Variants in HAGH observed in about 807,000 individuals in gnomAD.
HAGH encodes hydroxyacylglutathione hydrolase, mitochondrial.
A neutral mutation model predicts 35.1 loss-of-function variants in HAGH; 29 were observed. That is an observed-to-expected ratio of 0.83 (90% CI 0.62 to 1.13). The LOEUF (loss-of-function observed/expected upper bound fraction) is 1.13. Ranked by LOEUF, HAGH falls within the 50% of genes most tolerant of loss-of-function variation. The pLI is 0.00. For missense variants in HAGH, 478 were observed against 419.6 expected (o/e 1.14, Z -1.22); for synonymous variants, 225 against 176.1 (o/e 1.28, Z -2.20).
intron 1 of HAGH, among the ~76,000 whole-genome samples, chr16:1,825,047 G>T (rs1039944238): frequency 6.6e-6 from 1 of 152,236 alleles, no homozygotes; most frequent in Non-Finnish European, 1.5e-5. Flanking sequence ...GCCCACGTGC[G>T]GTGGCTCACG....
At chr16:1,819,044 T>G in intron 5 of HAGH, 71 bp downstream of exon 5, 21 of 973,904 alleles carry the variant, frequency 2.2e-5, no homozygotes, top group Non-Finnish European at 3.4e-5. Context: ...AGCTGCCCCG[T>G]GAGCCTGCCT....
intron 1 of HAGH, among the ~76,000 whole-genome samples, chr16:1,824,444 T>G (rs946664297): frequency 6.6e-6 from 1 of 152,150 alleles, no homozygotes; most frequent in Non-Finnish European, 1.5e-5. Context: ...GACAAAAGTG[T>G]CTGCCACCCA....
At chr16:1,821,222 AGGCTCGAGGGGCCCAACTCACAGAGCC>A (rs1199787023) in intron 3 of HAGH, among the ~76,000 whole-genome samples, 4 of 152,198 alleles carry the variant, frequency 2.6e-5, no homozygotes, top group Non-Finnish European at 5.9e-5. Flanking sequence ...GACCCCGAAG[AGGCTCGAGGGGCCCAACTCACAGAGCC>A]TGAGACTCTC....
chr16:1,811,440 C>T (rs1005277252), intron 7 of HAGH, among the ~76,000 whole-genome samples: 1 of 151,618 alleles, frequency 6.6e-6, no homozygotes, highest in Non-Finnish European at 1.5e-5. Flanking sequence ...AGGCCGGGCG[C>T]GGTTGCTCAC....
chr16:1,813,854 TAGAGACCAACGAAACAGAGC>T (rs1270971527), intron 7 of HAGH, among the ~76,000 whole-genome samples: 2 of 152,204 alleles, frequency 1.3e-5, no homozygotes, highest in Non-Finnish European at 2.9e-5. Context: ...TGGCAAGTCA[TAGAGACCAACGAAACAGAGC>T]AGAGACCAGA....
intron 5 of HAGH, 133 bp downstream of exon 5, chr16:1,818,982 C>A: frequency 1.6e-6 from 1 of 644,960 alleles, no homozygotes; most frequent in Non-Finnish European, 2.8e-6. Flanking sequence ...ATGAGGCTCC[C>A]CAGCACCCAC....
intron 1 of HAGH, among the ~76,000 whole-genome samples, chr16:1,826,311 G>C (rs1369364748): frequency 1.3e-5 from 2 of 150,696 alleles, no homozygotes; most frequent in African/African-American, 2.4e-5. Flanking sequence ...CCGCGAGACC[G>C]CGGTCCTTGC....
intron 7 of HAGH, among the ~76,000 whole-genome samples, chr16:1,812,876 G>A (rs112205854): frequency 0.015 from 2,274 of 151,502 alleles, 45 homozygotes; most frequent in South Asian, 0.073. Context: ...GCTCCACCGC[G>A]TGGGCTGGCT....
intron 1 of HAGH, among the ~76,000 whole-genome samples, chr16:1,823,471 G>A (rs1898248763): frequency 6.6e-6 from 1 of 151,842 alleles, no homozygotes; most frequent in Non-Finnish European, 1.5e-5. Context: ...GTTTCATGGT[G>A]TTAGCCAGGA....
intron 3 of HAGH, 98 bp from the exon 4 acceptor site, chr16:1,820,112 C>T: frequency 2.6e-6 from 2 of 757,120 alleles, no homozygotes. Flanking sequence ...CTGCCTGCTG[C>T]TCTTAAACCC....
chr16:1,827,104 C>T (rs949785898), upstream of HAGH: 20 of 1,332,972 alleles, frequency 1.5e-5, no homozygotes, highest in African/African-American at 2.9e-5. Context: ...CGCCCGGGTA[C>T]CCGGCAGATC....
chr16:1,816,427 C>G (rs1897896213), intron 7 of HAGH, among the ~76,000 whole-genome samples: 2 of 152,148 alleles, frequency 1.3e-5, no homozygotes, highest in South Asian at 4.1e-4. Context: ...CCCAGGCGTG[C>G]GTGCTTGTGA....
rs1217131320 is a variant in HAGH, at chr16:1,814,956, C to CAT, written c.747+1935_747+1936dup. Reference sequence around the variant, plus strand: ...ACACACACACACACACACACACACACATATATATATATATCTCACAAAGAC... The same window carrying CAT: ...ACACACACACACACACACACACACACATATATATATATATATCTCACAAAGAC... On this transcript the variant is annotated intron_variant, in intron 7 of 8. Coordinates refer to ENST00000397356, the MANE Select transcript of HAGH (RefSeq NM_005326.6). 5.0e-3 allele frequency among the ~76,000 whole-genome samples: 638 copies of CAT among 126,496 alleles called. 1 individual carries two copies. Among genetic ancestry groups the CAT allele is most frequent in the Admixed American group, 7.6e-3 (105 of 13,868 alleles). The allele number at this position is 126,496 out of a possible 152,430, so 83.0% of individuals were successfully genotyped here. A position where few individuals can be genotyped will look rare whatever the true frequency, so the allele number is the denominator to read the frequency against.
At position 1,819,175 on chromosome 16, in the gene HAGH, C is replaced by G. The variant is rs1351577352; in HGVS notation, c.481G>C (p.Gly161Arg). ...TTGCTCACGAAGTAACAAATGTGTC[C>G]TGAAGTGTGGCACGGGGTCGCCAGG... ...KCLATPCHTS[G>R]HICYFVSKPG... The change falls in exon 5 of 9, where the codon GGA (glycine) becomes CGA (arginine). Residue 161 changes from glycine to arginine, a missense_variant. By Grantham distance (125) the Gly-to-Arg change is moderately radical. Coordinates refer to ENST00000397356, the MANE Select transcript of HAGH (RefSeq NM_005326.6). 4.3e-6 allele frequency: 7 copies of G among 1,613,268 alleles called. No homozygotes were observed. The highest frequency in any genetic ancestry group is 5.9e-6 in the Non-Finnish European group (7 of 1,179,846).
chr16:1,826,954 G>A (rs906148726), upstream of HAGH: 12 of 618,108 alleles, frequency 1.9e-5, no homozygotes, highest in East Asian at 2.2e-4. Context: ...TTTTGTCCGC[G>A]AGCCCCGACT....
At chr16:1,826,060 T>A (rs1898396355) in intron 1 of HAGH, among the ~76,000 whole-genome samples, 1 of 152,214 alleles carries the variant, frequency 6.6e-6, no homozygotes, top group African/African-American at 2.4e-5. Flanking sequence ...AAAATCCATG[T>A]CCTTTCCTTA....
chr16:1,810,148 A>G, intron 7 of HAGH: 1 of 255,980 alleles, frequency 3.9e-6, no homozygotes, highest in South Asian at 4.0e-5. Context: ...GGTGACAGCG[A>G]CATCACGTCT....
chr16:1,811,503 A>C, intron 7 of HAGH, among the ~76,000 whole-genome samples: 1 of 151,900 alleles, frequency 6.6e-6, no homozygotes, highest in East Asian at 1.9e-4. Context: ...ACCTGAGGTC[A>C]GGAGTTTGAG....
intron 7 of HAGH, among the ~76,000 whole-genome samples, 197 bp downstream of exon 7, chr16:1,816,696 C>G (rs1440960496): frequency 6.6e-6 from 1 of 152,254 alleles, no homozygotes; most frequent in Non-Finnish European, 1.5e-5. Flanking sequence ...AGGCCTACTC[C>G]AGACCCTCCG....
Sources: gnomAD v4.1 joint callset for allele counts (sites outside exome capture counted in the v4.1 genomes callset) on GRCh38, gnomAD v4.1.1 for gene constraint, MANE v1.5 for transcripts, NCBI Gene and HGNC (gene_info 2026-07-23, HGNC 2026-07-21) for gene names.